The following MNAT1 variants were observed in gnomAD, a reference collection of about 807,000 sequenced individuals.
MNAT1 encodes the protein CDK-activating kinase assembly factor MAT1.
A neutral mutation model predicts 42.0 loss-of-function variants in MNAT1; 43 were observed. The observed-to-expected ratio is 1.02, with a 90% confidence interval of 0.80 to 1.32. The LOEUF is 1.32. Among genes scored for constraint, MNAT1 ranks in the 40% most tolerant of loss-of-function variants. The probability of loss-of-function intolerance (pLI) is 0.00; values close to 1 mark genes in which losing one functional copy is unlikely to be tolerated. For missense variants in MNAT1, 306 were observed against 350.4 expected (o/e 0.87, Z 1.01); for synonymous variants, 118 against 120.0 (o/e 0.98, Z 0.11).
rs536666070 is a variant in MNAT1, at chr14:60,748,365, C to A, written c.89+13414C>A. Among the ~76,000 whole-genome samples the A allele has an allele frequency of 3.3e-5, 5 of 152,148 alleles. No homozygotes were observed. The South Asian group carries it at 1.0e-3, about 32-fold the overall frequency. ...TCAGCTGTAGCCTTCTGAATAGCTG[C>A]GACTCCAGGTTGGCGCCACTGTGCC... is the stretch of plus-strand genomic sequence containing the variant. On this transcript the variant is annotated intron_variant, in intron 1 of 7. Coordinates refer to ENST00000261245, the MANE Select transcript of MNAT1 (RefSeq NM_002431.4).
At chr14:60,830,160 A>G (rs1360039761) in intron 6 of MNAT1, among the ~76,000 whole-genome samples, 1 of 152,154 alleles carries the variant, frequency 6.6e-6, no homozygotes, top group Non-Finnish European at 1.5e-5. Context: ...AGAAAAATGG[A>G]AAGGACGAAG....
chr14:60,781,222 G>A (rs1226507985), intron 1 of MNAT1, among the ~76,000 whole-genome samples: 1 of 151,636 alleles, frequency 6.6e-6, no homozygotes, highest in Non-Finnish European at 1.5e-5. Flanking sequence ...TTTTTTTTGT[G>A]TTTTATAAAA....
chr14:60,868,960 A>G (rs945741523), intron 6 of MNAT1, among the ~76,000 whole-genome samples: 1 of 150,192 alleles, frequency 6.7e-6, no homozygotes, highest in Non-Finnish European at 1.5e-5. Flanking sequence ...ATCATCTTGC[A>G]GTTGCCTTAG....
intron 7 of MNAT1, among the ~76,000 whole-genome samples, chr14:60,930,965 C>A (rs530930522): frequency 5.3e-5 from 8 of 152,136 alleles, no homozygotes; most frequent in African/African-American, 1.7e-4. Flanking sequence ...CTATGGAAGA[C>A]GTTTAAATAA....
chr14:60,811,848 C>T, intron 4 of MNAT1, 139 bp from the exon 5 acceptor site: 1 of 557,140 alleles, frequency 1.8e-6, no homozygotes, highest in Non-Finnish European at 3.0e-6. Flanking sequence ...CTATTTTCTT[C>T]AATATGGAAT....
rs71114155 is a variant in MNAT1, at chr14:60,784,179, A to ATTTTTTTTTTTTTTT, written c.90-12028_90-12014dup. On this transcript the variant is annotated intron_variant, in intron 1 of 7. Coordinates refer to ENST00000261245, the MANE Select transcript of MNAT1 (RefSeq NM_002431.4). ...AGATACGTGCCACCATGCCTGGCTA[A>ATTTTTTTTTTTTTTT]TTTTTTTTTTTTTTTTTTTTTTTTA... Among the ~76,000 whole-genome samples, 8 of 53,292 alleles carry ATTTTTTTTTTTTTTT rather than the reference A, an allele frequency of 1.5e-4. 1 individual carries two copies. The highest frequency in any genetic ancestry group is 5.3e-4 in the African/African-American group (7 of 13,100). 35.0% of individuals were successfully genotyped at this position (53,292 alleles called of 152,430 possible). A position where few individuals can be genotyped will look rare whatever the true frequency, so the allele number is the denominator to read the frequency against.
At chr14:60,820,773 A>G (rs2032867768) in intron 6 of MNAT1, among the ~76,000 whole-genome samples, 2 of 152,160 alleles carry the variant, frequency 1.3e-5, no homozygotes, top group South Asian at 2.1e-4. Context: ...GGTTTCCTAA[A>G]TAAATGAATG....
chr14:60,938,220 C>T (rs1381953068), intron 7 of MNAT1, among the ~76,000 whole-genome samples: 2 of 152,118 alleles, frequency 1.3e-5, no homozygotes, highest in African/African-American at 4.8e-5. Context: ...CCCTTTATTT[C>T]TTTCTCCTGC....
chr14:60,827,047 CA>C (rs2033076968), intron 6 of MNAT1, among the ~76,000 whole-genome samples: 1 of 151,944 alleles, frequency 6.6e-6, no homozygotes, highest in Non-Finnish European at 1.5e-5. Flanking sequence ...TGCTTGTTTG[CA>C]AACTGAAAAT....
At chr14:60,753,321 T>A (rs1165979415) in intron 1 of MNAT1, among the ~76,000 whole-genome samples, 1 of 152,138 alleles carries the variant, frequency 6.6e-6, no homozygotes, top group African/African-American at 2.4e-5. Context: ...TCCACTTATA[T>A]GTGGATTTCA....
chr14:60,801,341 T>C (rs558509484), intron 3 of MNAT1, among the ~76,000 whole-genome samples: 4 of 152,124 alleles, frequency 2.6e-5, no homozygotes, highest in East Asian at 1.9e-4. Context: ...AAAGCAAAAA[T>C]AGACAAATGG....
chr14:60,939,307 C>A (rs1829162176), intron 7 of MNAT1, among the ~76,000 whole-genome samples: 2 of 152,150 alleles, frequency 1.3e-5, no homozygotes, highest in South Asian at 2.1e-4. Context: ...TTCTCTAGTT[C>A]TTTTAATTGT....
In MNAT1 at chr14:60,796,374, G is replaced by A; in HGVS notation, c.242+5G>A. The A allele has an allele frequency of 1.2e-6, 2 of 1,608,020 alleles. No homozygotes were observed. Among genetic ancestry groups the A allele is most frequent in the Non-Finnish European group, 1.7e-6 (2 of 1,177,120 alleles). On this transcript the variant is annotated splice_donor_5th_base_variant and intron_variant, in intron 2 of 7. Transcript: ENST00000261245. ...CAGGAAAAAAGTGCTAAAGATGTAA[G>A]TATTCCTGCTCGAATGATTCAGTCA...
chr14:60,751,427 A>G (rs1199019935), intron 1 of MNAT1, among the ~76,000 whole-genome samples: 2 of 152,068 alleles, frequency 1.3e-5, no homozygotes, highest in Non-Finnish European at 2.9e-5. Context: ...TGAATATTCA[A>G]TAATGATATT....
chr14:60,760,015 T>G (rs2030529377), intron 1 of MNAT1, among the ~76,000 whole-genome samples: 1 of 152,174 alleles, frequency 6.6e-6, no homozygotes, highest in Admixed American at 6.5e-5. Context: ...TCAAGCCAGC[T>G]TGGGTAGGGA....
chr14:60,852,959 TA>T (rs2033862285), intron 6 of MNAT1, among the ~76,000 whole-genome samples: 5 of 152,202 alleles, frequency 3.3e-5, no homozygotes, highest in African/African-American at 4.8e-5. Context: ...CCTTGTAGTA[TA>T]GTTTGAAGTC....
rs374896422 is a variant in MNAT1 at position 60,918,340 on chromosome 14, C to G, written c.809+38505C>G. Among the ~76,000 whole-genome samples, 732 of 148,626 alleles carry G rather than the reference C, an allele frequency of 4.9e-3. 10 individuals are homozygous for G. Among genetic ancestry groups the G allele is most frequent in the African/African-American group, 0.016 (658 of 40,640 alleles). On this transcript the variant is annotated intron_variant, in intron 7 of 7. Transcript: ENST00000261245. Reference sequence around the variant, plus strand: ...TCTCCTGCCTCAGCCTCCTGAGTAGCTGGGACTACAGGCGCCCGCAACCAT... The same window carrying G: ...TCTCCTGCCTCAGCCTCCTGAGTAGGTGGGACTACAGGCGCCCGCAACCAT...
chr14:60,863,473 C>T (rs1003151233), intron 6 of MNAT1, among the ~76,000 whole-genome samples: 3 of 152,074 alleles, frequency 2.0e-5, no homozygotes, highest in Admixed American at 6.6e-5. Flanking sequence ...CAACAACTGA[C>T]GGAATGTTAG....
chr14:60,823,449 T>G (rs1319591361), intron 6 of MNAT1, among the ~76,000 whole-genome samples: 1 of 152,208 alleles, frequency 6.6e-6, no homozygotes, highest in African/African-American at 2.4e-5. Flanking sequence ...GAAAAAAAAT[T>G]TCTATCTTTA....
Sources: gnomAD v4.1 joint callset for allele counts (sites outside exome capture counted in the v4.1 genomes callset) on GRCh38, gnomAD v4.1.1 for gene constraint, MANE v1.5 for transcripts, NCBI Gene and HGNC (gene_info 2026-07-23, HGNC 2026-07-21) for gene names.